PCDHA12: variants seen among roughly 807,000 people sequenced by gnomAD.
The protein encoded by PCDHA12 is protocadherin alpha-12.
Under a neutral mutation model 60.0 loss-of-function variants are expected in PCDHA12, and 44 were observed. The ratio of observed to expected loss-of-function variants is 0.73; its 90% CI spans 0.58 to 0.94. PCDHA12 has a LOEUF of 0.94. Among genes scored for constraint, PCDHA12 ranks in the 40% least tolerant of loss-of-function variants. The pLI is 0.00. For missense variants in PCDHA12, 1,276 were observed against 1,239.7 expected (o/e 1.03, Z -0.44); for synonymous variants, 569 against 553.0 (o/e 1.03, Z -0.40).
chr5:140,921,809 C>T (rs886599958), intron 1 of PCDHA12, among the ~76,000 whole-genome samples: 2 of 151,940 alleles, frequency 1.3e-5, no homozygotes, highest in African/African-American at 4.8e-5. Context: ...AGATAAGATA[C>T]ATGTGTGAAT....
In PCDHA12 at chr5:140,876,262, C is replaced by A. The variant is rs1554168436; in HGVS notation, c.790C>A (p.Leu264Ile). 1 of 1,614,012 alleles carries A rather than the reference C, an allele frequency of 6.2e-7. No individual in the cohort carries two copies. Reference sequence around the variant, plus strand: ...CCAAAACGACACAAGAGTGATCCAACTAAATGCTTCCGATCCAGACGAAGG... The same window carrying A: ...CCAAAACGACACAAGAGTGATCCAAATAAATGCTTCCGATCCAGACGAAGG... ...NVQNDTRVIQ[L>I]NASDPDEGLN... Residue 264 changes from leucine to isoleucine, a missense_variant, in exon 1 of 4, where the codon CTA (leucine) becomes ATA (isoleucine). By Grantham distance (5) the Leu-to-Ile change is conservative. Coordinates refer to ENST00000398631, the MANE Select transcript of PCDHA12 (RefSeq NM_018903.4).
intron 1 of PCDHA12, chr5:140,884,024 G>T: frequency 1.2e-6 from 2 of 1,613,318 alleles, no homozygotes; most frequent in South Asian, 2.2e-5. Flanking sequence ...GCGGTCGGTG[G>T]GTGCAGGCCA....
intron 1 of PCDHA12, chr5:140,928,708 T>C: frequency 1.2e-6 from 2 of 1,614,208 alleles, no homozygotes; most frequent in Non-Finnish European, 1.7e-6. Context: ...GGCGTCTGAC[T>C]CTAGTCTCTT....
chr5:140,877,272 C>T lies in PCDHA12; in HGVS notation c.1800C>T (p.Asp600=). Residue 600 remains aspartate, a synonymous_variant, in exon 1 of 4, where the codon GAC becomes GAT. Coordinates refer to ENST00000398631, the MANE Select transcript of PCDHA12 (RefSeq NM_018903.4). ...VVAKVRAVDA[D]SGYNAWLSYE... ...CGAAAGTGCGCGCGGTGGACGCTGA[C>T]TCCGGCTATAACGCTTGGCTGTCCT... The T allele has an allele frequency of 1.9e-6, 3 of 1,613,832 alleles. No homozygotes were observed. Among genetic ancestry groups the T allele is most frequent in the Non-Finnish European group, 2.5e-6 (3 of 1,179,804 alleles).
At chr5:140,923,221 TTTGAGCCCAGAA>T (rs1584298069) in intron 1 of PCDHA12, among the ~76,000 whole-genome samples, 1 of 71,862 alleles carries the variant, frequency 1.4e-5, no homozygotes, top group Non-Finnish European at 3.3e-5. Flanking sequence ...GAAAGGATCG[TTTGAGCCCAGAA>T]GTTTGAGACC....
At chr5:140,945,768 T>C (rs1212479192) in intron 1 of PCDHA12, among the ~76,000 whole-genome samples, 3 of 152,062 alleles carry the variant, frequency 2.0e-5, no homozygotes, top group African/African-American at 7.2e-5. Flanking sequence ...GTGGGACAAT[T>C]TGATATCCAG....
At chr5:140,882,854 C>T in intron 1 of PCDHA12, 1 of 1,614,196 alleles carries the variant, frequency 6.2e-7, no homozygotes, top group African/African-American at 1.3e-5. Context: ...ATCACTTGTA[C>T]TGAGGAAAAC....
intron 1 of PCDHA12, among the ~76,000 whole-genome samples, chr5:140,937,615 T>TCAAAAAAAAAAAAAAAAAAAAAAAAA (rs1472779704): frequency 4.0e-5 from 6 of 149,436 alleles, no homozygotes; most frequent in African/African-American, 1.5e-4. Flanking sequence ...ATACTCCATC[T>TCAAAAAAAAAAAAAAAAAAAAAAAAA]AAAAAGAAAA....
At chr5:140,959,688 T>G (rs1000595466) in intron 1 of PCDHA12, among the ~76,000 whole-genome samples, 20 of 152,318 alleles carry the variant, frequency 1.3e-4, no homozygotes, top group African/African-American at 4.8e-4. Flanking sequence ...ATAATTTCAA[T>G]AAAATGAGCT....
In PCDHA12 at chr5:141,003,833, A is replaced by G. The variant is rs1215772990; in HGVS notation, c.2516-5794A>G. On this transcript the variant is annotated intron_variant, in intron 3 of 3. Transcript: ENST00000398631. ...AGTCTGGGAAGGGCTCTGCCTAACG[A>G]TTCAGACCCCTACCAGATTTATATG... is the stretch of plus-strand genomic sequence containing the variant. 2.6e-5 allele frequency among the ~76,000 whole-genome samples: 4 copies of G among 152,176 alleles called. No individual in the cohort carries two copies. In the East Asian group the frequency reaches 7.7e-4, roughly 29 times the overall value.
intron 1 of PCDHA12, among the ~76,000 whole-genome samples, chr5:140,915,632 CT>C (rs782761734): frequency 6.2e-5 from 9 of 144,496 alleles, no homozygotes; most frequent in Non-Finnish European, 1.3e-4. Context: ...TTCTGTCTCT[CT>C]CTCTCTCTCT....
In PCDHA12 at chr5:140,947,881, A is replaced by G. The variant is rs191017624; in HGVS notation, c.2368-31068A>G. On this transcript the variant is annotated intron_variant, in intron 1 of 3. Transcript: ENST00000398631. ...TATAATGGCTAGGACTTCCAGGACA[A>G]TATAAACAGAAGTGGTGAGAGCAGA... 2.7e-3 allele frequency among the ~76,000 whole-genome samples: 417 copies of G among 151,684 alleles called. 2 individuals carry two copies. Among genetic ancestry groups the G allele is most frequent in the Middle Eastern group, 0.014 (4 of 294 alleles).
chr5:140,883,003 C>T, intron 1 of PCDHA12: 1 of 1,614,050 alleles, frequency 6.2e-7, no homozygotes, highest in East Asian at 2.2e-5. Flanking sequence ...TTTACCAATC[C>T]GTTTATAAAG....
chr5:140,932,101 T>G (rs1281828369), intron 1 of PCDHA12, among the ~76,000 whole-genome samples: 6 of 151,958 alleles, frequency 3.9e-5, no homozygotes, highest in Non-Finnish European at 8.8e-5. Context: ...TTTTTATCTC[T>G]GTATTTCCAA....
Position 140,968,192 on chromosome 5 carries a change from A to G in PCDHA12, c.2368-10757A>G, listed in dbSNP as rs555596025. The G allele has an allele frequency of 2.5e-6, 4 of 1,614,038 alleles. No individual in the cohort carries two copies. The Admixed American group carries it at 5.0e-5, about 20-fold the overall frequency. ...AAGCTTCCTGGAGGACTCCTATTCC[A>G]TCTACATACAGGAGAACAATTTGCC... On this transcript the variant is annotated intron_variant, in intron 1 of 3. Coordinates refer to ENST00000398631, the MANE Select transcript of PCDHA12 (RefSeq NM_018903.4).
intron 1 of PCDHA12, among the ~76,000 whole-genome samples, chr5:140,924,692 C>T (rs1421659285): frequency 2.0e-5 from 3 of 151,910 alleles, no homozygotes; most frequent in Admixed American, 6.6e-5. Flanking sequence ...GTCAGGAGTT[C>T]GAGACCAGCT....
intron 3 of PCDHA12, chr5:140,989,112 T>C (rs1312650713): frequency 1.3e-5 from 2 of 152,222 alleles, no homozygotes; most frequent in Non-Finnish European, 2.9e-5. Context: ...CTTTTGAATA[T>C]ATCTTAGAAA....
At chr5:140,908,844 C>T (rs533219921) in intron 1 of PCDHA12, among the ~76,000 whole-genome samples, 2 of 152,272 alleles carry the variant, frequency 1.3e-5, no homozygotes, top group African/African-American at 4.8e-5. Context: ...GCTGGAGTAA[C>T]ATACCCAAAT....
intron 1 of PCDHA12, chr5:140,968,830 C>G: frequency 6.2e-7 from 1 of 1,614,198 alleles, no homozygotes; most frequent in Non-Finnish European, 8.5e-7. Context: ...CCAAAATCCT[C>G]CCTGACACTC....
Sources: gnomAD v4.1 joint callset for allele counts (sites outside exome capture counted in the v4.1 genomes callset) on GRCh38, gnomAD v4.1.1 for gene constraint, MANE v1.5 for transcripts, NCBI Gene and HGNC (gene_info 2026-07-23, HGNC 2026-07-21) for gene names.